Variants in RALYL observed in about 807,000 individuals in gnomAD.
The protein encoded by RALYL is RNA-binding Raly-like protein.
RALYL carries 29 observed loss-of-function variants against 35.1 expected under a neutral mutation model. That is an observed-to-expected ratio of 0.83 (90% CI 0.61 to 1.13). The LOEUF (loss-of-function observed/expected upper bound fraction) is 1.13. Ranked by LOEUF, RALYL falls within the 50% of genes most tolerant of loss-of-function variation. The probability of loss-of-function intolerance (pLI) is 0.00; values close to 1 mark genes in which losing one functional copy is unlikely to be tolerated. For synonymous variants in RALYL, 120 were observed against 127.6 expected, an observed-to-expected ratio of 0.94 and a Z score of 0.40; for missense variants, 359 against 360.4, an observed-to-expected ratio of 1.00 and a Z score of 0.03.
chr8:84,722,645 A>ATATATATG (rs1336047176), intron 2 of RALYL, among the ~76,000 whole-genome samples: 5 of 138,784 alleles, frequency 3.6e-5, no homozygotes, highest in African/African-American at 1.1e-4. Flanking sequence ...ATATATATAT[A>ATATATATG]TATGTATGTA....
At chr8:84,598,887 C>T (rs941317290) in intron 2 of RALYL, among the ~76,000 whole-genome samples, 2 of 152,032 alleles carry the variant, frequency 1.3e-5, no homozygotes, top group Non-Finnish European at 2.9e-5. Context: ...GAGAAACCTC[C>T]ATGCTGTTTT....
intron 2 of RALYL, among the ~76,000 whole-genome samples, chr8:84,759,565 G>A (rs916661805): frequency 1.6e-4 from 25 of 152,260 alleles, no homozygotes; most frequent in African/African-American, 5.8e-4. Flanking sequence ...GTAGGAGAAA[G>A]TAACTGGGTT....
intron 7 of RALYL, among the ~76,000 whole-genome samples, chr8:84,883,604 C>T (rs992126745): frequency 6.6e-6 from 1 of 152,010 alleles, no homozygotes; most frequent in Admixed American, 6.6e-5. Context: ...AATTATCTCC[C>T]ACTGGGTTCT....
intron 4 of RALYL, among the ~76,000 whole-genome samples, chr8:84,841,510 A>T (rs1833340067): frequency 6.6e-6 from 1 of 152,204 alleles, no homozygotes; most frequent in Non-Finnish European, 1.5e-5. Flanking sequence ...CTCCAACACA[A>T]TAATAATGGG....
chr8:84,854,771 T>C (rs1836630208), intron 5 of RALYL, among the ~76,000 whole-genome samples: 1 of 152,204 alleles, frequency 6.6e-6, no homozygotes, highest in African/African-American at 2.4e-5. Context: ...CTTCTAGGGC[T>C]GGAGAAACAA....
At chr8:84,425,074 C>A (rs1324278591) in intron 1 of RALYL, among the ~76,000 whole-genome samples, 2 of 152,214 alleles carry the variant, frequency 1.3e-5, no homozygotes, top group East Asian at 3.9e-4. Flanking sequence ...GTGGTGGGCT[C>A]CACCCAGTTC....
At chr8:84,783,800 A>G (rs1188967035) in intron 3 of RALYL, among the ~76,000 whole-genome samples, 1 of 152,174 alleles carries the variant, frequency 6.6e-6, no homozygotes, top group African/African-American at 2.4e-5. Context: ...AAAGGAAGGG[A>G]GGGAAATCTC....
chr8:84,262,031 A>G (rs774244957), intron 1 of RALYL, among the ~76,000 whole-genome samples: 4 of 152,152 alleles, frequency 2.6e-5, no homozygotes, highest in Non-Finnish European at 2.9e-5. Flanking sequence ...ATGTTCTTCT[A>G]CATCACTACC....
At chr8:84,323,589 T>C (rs546278854) in intron 1 of RALYL, among the ~76,000 whole-genome samples, 26 of 152,256 alleles carry the variant, frequency 1.7e-4, no homozygotes, top group Non-Finnish European at 3.1e-4. Flanking sequence ...TAGTTTATTC[T>C]GTGCATTTCA....
rs535757010 is a variant in RALYL at position 84,310,871 on chromosome 8, C to T, written c.-24+126447C>T. Among the ~76,000 whole-genome samples the T allele has an allele frequency of 7.9e-4, 111 of 139,712 alleles. 2 individuals are homozygous for T. Among genetic ancestry groups the T allele is most frequent in the Non-Finnish European group, 1.2e-3 (79 of 64,760 alleles). 91.7% of individuals were successfully genotyped at this position (139,712 alleles called of 152,430 possible). A position where few individuals can be genotyped will look rare whatever the true frequency, so the allele number is the denominator to read the frequency against. ...GACCGTCCTGGCTAACAAGGTGAAA[C>T]CCCGTCTCTACTAAAAATACAAAAA... On this transcript the variant is annotated intron_variant, in intron 1 of 8. Transcript: ENST00000521268.
At chr8:84,766,264 G>A (rs942344975) in intron 2 of RALYL, among the ~76,000 whole-genome samples, 9 of 152,070 alleles carry the variant, frequency 5.9e-5, no homozygotes, top group African/African-American at 2.2e-4. Flanking sequence ...TCATGTATAT[G>A]TAAGAACATT....
intron 1 of RALYL, among the ~76,000 whole-genome samples, chr8:84,241,791 A>T (rs1827963709): frequency 6.6e-6 from 1 of 151,952 alleles, no homozygotes; most frequent in African/African-American, 2.4e-5. Flanking sequence ...AAAAAAAAAA[A>T]AAAAATCTGT....
At chr8:84,366,195 T>C (rs1854233830) in intron 1 of RALYL, among the ~76,000 whole-genome samples, 1 of 152,070 alleles carries the variant, frequency 6.6e-6, no homozygotes, top group South Asian at 2.1e-4. Flanking sequence ...AAGAAGATGA[T>C]CTCCCAAAAT....
intron 2 of RALYL, among the ~76,000 whole-genome samples, chr8:84,543,040 T>C (rs1305967666): frequency 6.6e-6 from 1 of 152,156 alleles, no homozygotes; most frequent in African/African-American, 2.4e-5. Flanking sequence ...AGGTCTACAG[T>C]TTGATTATTG....
At chr8:84,307,158 G>A (rs552402710) in intron 1 of RALYL, among the ~76,000 whole-genome samples, 5 of 152,244 alleles carry the variant, frequency 3.3e-5, no homozygotes, top group African/African-American at 9.6e-5. Context: ...CTTCCTATGA[G>A]TTAGGAAGAG....
intron 2 of RALYL, among the ~76,000 whole-genome samples, chr8:84,655,868 G>A (rs946986634): frequency 8.5e-5 from 13 of 152,068 alleles, no homozygotes; most frequent in African/African-American, 2.7e-4. Context: ...TGTCTCAATC[G>A]CTGGAAGTAT....
chr8:84,810,443 T>C (rs187841586), intron 4 of RALYL, among the ~76,000 whole-genome samples: 16 of 152,288 alleles, frequency 1.1e-4, no homozygotes, highest in Non-Finnish European at 2.2e-4. Flanking sequence ...CACTCTTGAA[T>C]AGAATGTGTG....
chr8:84,566,181 C>T (rs2061771050), intron 2 of RALYL, among the ~76,000 whole-genome samples: 1 of 151,430 alleles, frequency 6.6e-6, no homozygotes, highest in South Asian at 2.1e-4. Flanking sequence ...TTCGTGCTTT[C>T]TCATGCTGTG....
intron 2 of RALYL, among the ~76,000 whole-genome samples, chr8:84,619,164 T>C (rs1457465254): frequency 1.3e-5 from 2 of 151,604 alleles, no homozygotes; most frequent in Admixed American, 6.6e-5. Context: ...ACTTTCTGTC[T>C]CATTGATCTG....
Sources: allele counts gnomAD v4.1 joint callset (sites outside exome capture counted in the v4.1 genomes callset), GRCh38; gene constraint gnomAD v4.1.1; transcripts MANE v1.5; gene names NCBI Gene and HGNC (gene_info 2026-07-23, HGNC 2026-07-21).